The following CEP44 variants were observed in gnomAD, a reference collection of about 807,000 sequenced individuals.
CEP44 encodes the protein centrosomal protein 44.
CEP44 carries 45 observed loss-of-function variants against 46.7 expected under a neutral mutation model. The observed-to-expected ratio is 0.96, with a 90% CI of 0.76 to 1.24. CEP44 has a LOEUF of 1.24. Ranked by LOEUF, CEP44 falls within the 50% of genes most tolerant of loss-of-function variation. The probability of loss-of-function intolerance (pLI) is 0.00; values close to 1 mark genes in which losing one functional copy is unlikely to be tolerated. For synonymous variants in CEP44, 142 were observed against 146.0 expected (o/e 0.97, Z 0.20); for missense variants, 475 against 459.7 (o/e 1.03, Z -0.30).
intron 10 of CEP44, 79 bp downstream of exon 10, chr4:174,316,369 C>A: frequency 6.8e-7 from 1 of 1,468,256 alleles, no homozygotes; most frequent in Non-Finnish European, 9.5e-7. Flanking sequence ...ATATTGCTAG[C>A]AAGAAAAATA....
At chr4:174,332,410 C>G (rs1731364839) in exon 9 of CEP44, 1 of 152,192 alleles carries the variant, frequency 6.6e-6, no homozygotes, top group Non-Finnish European at 1.5e-5. Context: ...TATACTTATT[C>G]TATTAACTGC....
Position 174,318,262 on chromosome 4 carries a change from C to A in CEP44, c.*879C>A. On this transcript the variant is annotated 3_prime_UTR_variant, in exon 12 of 12. Transcript: ENST00000503780. ...ATTTTTATTAGAGACAGGGTTTCTCCGTGTTGGTCAGGCTGGTCTCAAACT... is the reference window on the plus strand; with the variant it reads ...ATTTTTATTAGAGACAGGGTTTCTCAGTGTTGGTCAGGCTGGTCTCAAACT... The A allele has an allele frequency of 9.4e-6, 8 of 848,326 alleles. No individual in the cohort carries two copies. The highest frequency in any genetic ancestry group is 1.1e-5 in the Non-Finnish European group (8 of 705,080). 52.5% of individuals were successfully genotyped at this position (848,326 alleles called of 1,614,324 possible).
chr4:174,315,406 G>A (rs946891786), intron 9 of CEP44, among the ~76,000 whole-genome samples: 6 of 151,730 alleles, frequency 4.0e-5, no homozygotes, highest in Non-Finnish European at 5.9e-5. Context: ...AGGTTTTTCC[G>A]TTTTTTAGAA....
rs1012426546 is a variant in CEP44 at position 174,314,097 on chromosome 4, G to A, written c.962-2069G>A. On this transcript the variant is annotated intron_variant, in intron 9 of 11. Coordinates refer to ENST00000503780, the MANE Select transcript of CEP44 (RefSeq NM_001040157.3). This position sits in a 1 kb window ranked among gnomAD's most constrained non-coding sequence, Gnocchi z 4.1. ...ATGGCAGTGAAAGATTAGTTGTTACGTGGTAAGAGTTGGGTAGAAGATTTC... is the reference window on the plus strand; with the variant it reads ...ATGGCAGTGAAAGATTAGTTGTTACATGGTAAGAGTTGGGTAGAAGATTTC... 1.8e-4 allele frequency among the ~76,000 whole-genome samples: 28 copies of A among 152,280 alleles called. No homozygotes were observed. Among genetic ancestry groups the A allele is most frequent in the African/African-American group, 6.5e-4 (27 of 41,560 alleles).
intron 1 of CEP44, among the ~76,000 whole-genome samples, chr4:174,296,763 A>ATTTTTTTTTTT (rs202212472): frequency 1.3e-4 from 12 of 90,416 alleles, no homozygotes; most frequent in Non-Finnish European, 2.1e-4. Context: ...GTCCTTACTG[A>ATTTTTTTTTTT]TTTTTTTTTT....
chr4:174,307,289 G>C (rs1350208565), intron 6 of CEP44, among the ~76,000 whole-genome samples: 1 of 152,092 alleles, frequency 6.6e-6, no homozygotes, highest in African/African-American at 2.4e-5. Flanking sequence ...AGAGAATAGA[G>C]AACCCAGAAA....
Position 174,310,147 on chromosome 4 carries a change from A to G in CEP44, c.885+91A>G. ...ATGTGTATTTTTTTGGAAATGCTAA[A>G]TATGAGAATATTTGAATAATGAGAA... On this transcript the variant is annotated intron_variant, in intron 8 of 11. Coordinates refer to ENST00000503780, the MANE Select transcript of CEP44 (RefSeq NM_001040157.3). The surrounding 1 kb of genome is among the most constrained non-coding windows in gnomAD (Gnocchi z 4.2). 4 of 1,112,846 alleles carry G rather than the reference A, an allele frequency of 3.6e-6. No homozygotes were observed. Among genetic ancestry groups the G allele is most frequent in the Middle Eastern group, 3.1e-4 (1 of 3,248 alleles). 68.9% of individuals were successfully genotyped at this position (1,112,846 alleles called of 1,614,324 possible).
At chr4:174,317,168 T>G (rs1741829144) in intron 11 of CEP44, among the ~76,000 whole-genome samples, 167 bp from the exon 12 acceptor site, 1 of 152,048 alleles carries the variant, frequency 6.6e-6, no homozygotes, top group South Asian at 2.1e-4. Flanking sequence ...TCGACTCCTC[T>G]TTGTCTTCCC....
rs886696167 is a variant in CEP44, at chr4:174,320,002, C to G, written c.*2619C>G. 2.0e-6 allele frequency: 2 copies of G among 985,102 alleles called. No homozygotes were observed. Among genetic ancestry groups the G allele is most frequent in the African/African-American group, 1.7e-5 (1 of 57,176 alleles). 61.0% of individuals were successfully genotyped at this position (985,102 alleles called of 1,614,324 possible). Reference sequence around the variant, plus strand: ...ATAACCCTAAGTTAAGTAAAATTTTCACTTTCATTCTTTTCATTCTCTCAT... The same window carrying G: ...ATAACCCTAAGTTAAGTAAAATTTTGACTTTCATTCTTTTCATTCTCTCAT... On this transcript the variant is annotated 3_prime_UTR_variant, in exon 12 of 12. Transcript: ENST00000503780.
At chr4:174,320,890 CT>C (rs35566231), downstream of CEP44, among the ~76,000 whole-genome samples, 19,324 of 151,880 alleles carry the variant, frequency 0.13, 1,357 homozygotes, top group East Asian at 0.2. Flanking sequence ...CAGTGGGAGA[CT>C]ATTACAGTAA....
At chr4:174,333,294 T>C (rs1731399874) in exon 9 of CEP44, 1 of 147,588 alleles carries the variant, frequency 6.8e-6, no homozygotes, top group South Asian at 2.3e-4. Flanking sequence ...ATTTATCTAG[T>C]ATGCATACCT....
In CEP44 at chr4:174,309,927, T is replaced by C. The variant is rs1160903713; in HGVS notation, c.756T>C (p.Thr252=). ...AECQENLKKL[T]SIEKRLDCLE... ...GCCAAGAAAATCTTAAGAAACTGAC[T>C]TCGATAGAGAAAAGGTTAGACTGTT... is the stretch of plus-strand genomic sequence containing the variant. The change falls in exon 8 of 12, where the codon ACT becomes ACC. Residue 252 remains threonine (T), a synonymous_variant. Coordinates refer to ENST00000503780, the MANE Select transcript of CEP44 (RefSeq NM_001040157.3). The surrounding 1 kb of genome is among the most constrained non-coding windows in gnomAD (Gnocchi z 5.3). The C allele has an allele frequency of 6.2e-7, 1 of 1,612,674 alleles. No homozygotes were observed. Among genetic ancestry groups the C allele is most frequent in the East Asian group, 2.2e-5 (1 of 44,754 alleles).
chr4:174,290,182 T>C lies in CEP44; in HGVS notation c.-148+6239T>C, dbSNP rs1289293510. On this transcript the variant is annotated intron_variant, in intron 1 of 11. Coordinates refer to ENST00000503780, the MANE Select transcript of CEP44 (RefSeq NM_001040157.3). The surrounding 1 kb of genome is among the most constrained non-coding windows in gnomAD (Gnocchi z 4.3). ...TTCTTCTTCTTAATGAATTTATTGC[T>C]ATAAACACTTCTCTTATTCTGCTTT... Among the ~76,000 whole-genome samples the C allele has an allele frequency of 1.3e-5, 2 of 152,170 alleles. No homozygotes were observed. The highest frequency in any genetic ancestry group is 4.8e-5 in the African/African-American group (2 of 41,446).
chr4:174,289,295 CTTT>C (rs34274387), intron 1 of CEP44, among the ~76,000 whole-genome samples: 9,504 of 128,732 alleles, frequency 0.074, 410 homozygotes, highest in South Asian at 0.23. Flanking sequence ...GTTCCCTCTT[CTTT>C]TTTTTTTTTT....
Position 174,329,867 on chromosome 4 carries a change from C to T in CEP44, c.1087-1615C>T, listed in dbSNP as rs1303546185. ...AGTTTGGATGAGTTGCAAATAACAT[C>T]CTCTACCCTTAGGTCAAAAAGAATA... On this transcript the variant is annotated intron_variant, in intron 8 of 8. Transcript: ENST00000426172. This position sits in a 1 kb window ranked among gnomAD's most constrained non-coding sequence, Gnocchi z 4.0. 1.3e-5 allele frequency among the ~76,000 whole-genome samples: 2 copies of T among 152,042 alleles called. No individual in the cohort carries two copies. The highest frequency in any genetic ancestry group is 2.9e-5 in the Non-Finnish European group (2 of 67,990).
rs1739257427 is a variant in CEP44 at position 174,298,036 on chromosome 4, G to A, written c.-77G>A. On this transcript the variant is annotated 5_prime_UTR_variant, in exon 2 of 12. An upstream start codon of the reference 5' UTR is lost. Transcript: ENST00000503780. ...GTTTCCTCCTAAATATTAGGCAGAT[G>A]GGATTGGCTGGTCTGTGCTCTGCTA... The A allele has an allele frequency of 6.6e-6, 1 of 152,108 alleles. No individual in the cohort carries two copies. The highest frequency in any genetic ancestry group is 1.5e-5 in the Non-Finnish European group (1 of 68,036). The allele number at this position is 152,108 out of a possible 1,614,324, so 9.4% of individuals were successfully genotyped here.
chr4:174,298,854 T>G (rs909666716), intron 2 of CEP44, among the ~76,000 whole-genome samples: 2 of 152,290 alleles, frequency 1.3e-5, no homozygotes, highest in African/African-American at 4.8e-5. Flanking sequence ...CTTATTTTTT[T>G]GGGAGGAAAA....
rs556456536 is a variant in CEP44, at chr4:174,328,925, A to G, written c.1087-2557A>G. On this transcript the variant is annotated intron_variant, in intron 8 of 8. Transcript: ENST00000426172. ...TTAACATTTAAGATCAGTGTGTACA[A>G]GAGTAATGGCAATACTTTTCCTTTT... is the stretch of plus-strand genomic sequence containing the variant. 5.9e-5 allele frequency among the ~76,000 whole-genome samples: 9 copies of G among 152,076 alleles called. No individual in the cohort carries two copies. The East Asian group carries it at 1.5e-3, about 26-fold the overall frequency.
At position 174,314,114 on chromosome 4, in the gene CEP44, G is replaced by A. The variant is rs1024259218; in HGVS notation, c.962-2052G>A. 1.3e-5 allele frequency among the ~76,000 whole-genome samples: 2 copies of A among 152,124 alleles called. No homozygotes were observed. Among genetic ancestry groups the A allele is most frequent in the Non-Finnish European group, 2.9e-5 (2 of 68,020 alleles). On this transcript the variant is annotated intron_variant, in intron 9 of 11. Transcript: ENST00000503780. This position sits in a 1 kb window ranked among gnomAD's most constrained non-coding sequence, Gnocchi z 4.1. ...GTTGTTACGTGGTAAGAGTTGGGTAGAAGATTTCATGTCCCATACCCCCAT... is the reference window on the plus strand; with the variant it reads ...GTTGTTACGTGGTAAGAGTTGGGTAAAAGATTTCATGTCCCATACCCCCAT...
Sources: gnomAD v4.1 joint callset for allele counts (sites outside exome capture counted in the v4.1 genomes callset) on GRCh38, gnomAD v4.1.1 for gene constraint, Gnocchi (gnomAD v3.1) non-coding constraint, MANE v1.5 for transcripts, NCBI Gene and HGNC (gene_info 2026-07-23, HGNC 2026-07-21) for gene names.